Variants in MGAT4A observed in about 807,000 individuals in gnomAD.
MGAT4A encodes alpha-1,3-mannosyl-glycoprotein 4-beta-N-acetylglucosaminyltransferase A, also known as N-acetylglucosaminyltransferase IVa.
A neutral mutation model predicts 74.1 loss-of-function variants in MGAT4A; 33 were observed. The ratio of observed to expected loss-of-function variants is 0.45; its 90% CI spans 0.34 to 0.60. The LOEUF is 0.60. Among genes scored for constraint, MGAT4A ranks in the 20% least tolerant of loss-of-function variants. MGAT4A has a pLI of 0.02. For synonymous variants in MGAT4A, 198 were observed against 210.4 expected, an observed-to-expected ratio of 0.94 and a Z score of 0.51; for missense variants, 479 against 628.3, an observed-to-expected ratio of 0.76 and a Z score of 2.54.
At position 98,678,321 on chromosome 2, in the gene MGAT4A, G is replaced by A. The variant is rs778344428; in HGVS notation, c.245C>T (p.Ala82Val). ...GTTTGTACCTGAAAACTTATTCAACGCATCCTTACTTCCATTTGTTTCTGC... is the reference window on the plus strand; with the variant it reads ...GTTTGTACCTGAAAACTTATTCAACACATCCTTACTTCCATTTGTTTCTGC... ...VGAETNGSKD[A>V]LNKFSDNTLK... Residue 82 changes from alanine to valine, a missense_variant, in exon 3 of 16, where the codon GCG becomes GTG. By Grantham distance (64) the Ala-to-Val change is moderately conservative (BLOSUM62 0). Around this residue, in one of 3 missense-constraint regions of MGAT4A, gnomAD observed 205 missense variants for 232.7 expected, o/e 0.88. Transcript: ENST00000393487. The A allele has an allele frequency of 1.1e-5, 15 of 1,398,956 alleles. No homozygotes were observed. The highest frequency in any genetic ancestry group is 2.9e-5 in the African/African-American group (2 of 68,388). 86.7% of individuals were successfully genotyped at this position (1,398,956 alleles called of 1,614,324 possible). A position where few individuals can be genotyped will look rare whatever the true frequency, so the allele number is the denominator to read the frequency against.
chr2:98,638,538 A>G (rs1701357907), intron 12 of MGAT4A, among the ~76,000 whole-genome samples: 1 of 152,248 alleles, frequency 6.6e-6, no homozygotes, highest in Non-Finnish European at 1.5e-5. Context: ...ATGGACATCT[A>G]TGCTGTTTCT....
At chr2:98,689,555 G>A (rs1702168186) in intron 2 of MGAT4A, among the ~76,000 whole-genome samples, 2 of 152,184 alleles carry the variant, frequency 1.3e-5, no homozygotes, top group Non-Finnish European at 2.9e-5. Context: ...TGGGCACCAT[G>A]GCTCACATCC....
chr2:98,664,444 G>A (rs1701796579), intron 4 of MGAT4A, among the ~76,000 whole-genome samples: 1 of 152,088 alleles, frequency 6.6e-6, no homozygotes, highest in Non-Finnish European at 1.5e-5. Context: ...GTACCCAGCT[G>A]AATTGAGTTC....
intron 2 of MGAT4A, among the ~76,000 whole-genome samples, chr2:98,717,613 G>C (rs767448017): frequency 2.4e-4 from 36 of 152,290 alleles, no homozygotes; most frequent in Non-Finnish European, 4.3e-4. Context: ...AATATTGGGG[G>C]AGGATAGGTA....
intron 2 of MGAT4A, among the ~76,000 whole-genome samples, chr2:98,693,170 A>G (rs1434443996): frequency 2.0e-5 from 3 of 152,202 alleles, no homozygotes; most frequent in African/African-American, 7.2e-5. Context: ...ACTAAAAGAA[A>G]AGAAAAAGAA....
chr2:98,667,555 G>C (rs1055654616), intron 4 of MGAT4A, among the ~76,000 whole-genome samples: 1 of 152,226 alleles, frequency 6.6e-6, no homozygotes, highest in Admixed American at 6.5e-5. Flanking sequence ...TTAGCAAAGA[G>C]ACTGGCAGCA....
chr2:98,650,963 A>T (rs1311269215), intron 8 of MGAT4A, among the ~76,000 whole-genome samples: 1 of 151,998 alleles, frequency 6.6e-6, no homozygotes, highest in East Asian at 1.9e-4. Context: ...AAAGGAAAAG[A>T]AAAAAAGAAT....
At chr2:98,635,801 G>T (rs1276164843) in intron 13 of MGAT4A, among the ~76,000 whole-genome samples, 8 of 151,678 alleles carry the variant, frequency 5.3e-5, no homozygotes, top group Non-Finnish European at 2.9e-5. Context: ...GACCATCCTG[G>T]CCAGTGCTGA....
At chr2:98,642,858 G>GT (rs200444630) in intron 10 of MGAT4A, among the ~76,000 whole-genome samples, 1,543 of 151,976 alleles carry the variant, frequency 0.01, 31 homozygotes, top group African/African-American at 0.036. Context: ...AATTTTTGTG[G>GT]TTTTTTTTAA....
intron 5 of MGAT4A, among the ~76,000 whole-genome samples, chr2:98,659,239 G>C (rs945651306): frequency 1.3e-5 from 2 of 152,206 alleles, no homozygotes; most frequent in Non-Finnish European, 1.5e-5. Context: ...CCGTGAAATT[G>C]GGTCAAAGTG....
intron 2 of MGAT4A, among the ~76,000 whole-genome samples, chr2:98,706,110 G>A (rs1702427949): frequency 6.6e-6 from 1 of 152,082 alleles, no homozygotes; most frequent in Non-Finnish European, 1.5e-5. Flanking sequence ...TGCCCTAAAT[G>A]CTATCCACCA....
At chr2:98,676,018 AG>A (rs1701972991) in intron 3 of MGAT4A, among the ~76,000 whole-genome samples, 1 of 152,210 alleles carries the variant, frequency 6.6e-6, no homozygotes, top group African/African-American at 2.4e-5. Flanking sequence ...TTTTATACAT[AG>A]GATGTTTCTG....
At chr2:98,665,261 G>A (rs1307117) in intron 4 of MGAT4A, among the ~76,000 whole-genome samples, 9 of 149,860 alleles carry the variant, frequency 6.0e-5, no homozygotes, top group Middle Eastern at 3.5e-3. Context: ...TCCAGGAGGC[G>A]GAGGTTGCAG....
At chr2:98,632,377 A>G (rs540678117) in intron 14 of MGAT4A, among the ~76,000 whole-genome samples, 2 of 152,314 alleles carry the variant, frequency 1.3e-5, no homozygotes, top group Non-Finnish European at 2.9e-5. Context: ...AAAGGTGGGT[A>G]AGGGAACTTT....
chr2:98,666,450 C>T (rs966702393), intron 4 of MGAT4A, among the ~76,000 whole-genome samples: 1 of 152,134 alleles, frequency 6.6e-6, no homozygotes, highest in African/African-American at 2.4e-5. Context: ...CCCAGCACTT[C>T]AGGAGGCTGA....
intron 8 of MGAT4A, among the ~76,000 whole-genome samples, chr2:98,646,198 G>C (rs1000887636): frequency 6.6e-6 from 1 of 151,718 alleles, no homozygotes; most frequent in South Asian, 2.1e-4. Context: ...CAATACAAAC[G>C]TGTGATTTTT....
At chr2:98,658,587 T>C (rs1022385292) in intron 5 of MGAT4A, among the ~76,000 whole-genome samples, 3 of 152,198 alleles carry the variant, frequency 2.0e-5, no homozygotes, top group African/African-American at 7.2e-5. Context: ...CTGCACGATA[T>C]GAAGAAAGAT....
intron 2 of MGAT4A, among the ~76,000 whole-genome samples, chr2:98,697,914 T>C (rs538478857): frequency 7.2e-5 from 11 of 152,294 alleles, no homozygotes; most frequent in Admixed American, 5.9e-4. Context: ...TGCTAAAGGT[T>C]GATGTACACA....
Position 98,623,487 on chromosome 2 carries a change from A to G in MGAT4A, c.*2079T>C. ...AGTTATCTTTGCAGTAATTTAGTAT[A>G]CCAAGCTGGTGCCAAAATTTTATGA... is the stretch of plus-strand genomic sequence containing the variant. On this transcript the variant is annotated 3_prime_UTR_variant, in exon 16 of 16. Transcript: ENST00000393487. 1.0e-6 allele frequency: 1 copy of G among 985,408 alleles called. No individual in the cohort carries two copies. Among genetic ancestry groups the G allele is most frequent in the Non-Finnish European group, 1.2e-6 (1 of 829,922 alleles). 61.0% of individuals were successfully genotyped at this position (985,408 alleles called of 1,614,324 possible).
Sources: gnomAD v4.1 joint callset for allele counts (sites outside exome capture counted in the v4.1 genomes callset) on GRCh38, gnomAD v4.1.1 for gene constraint, gnomAD v4.1.1 regional missense constraint, MANE v1.5 for transcripts, NCBI Gene and HGNC (gene_info 2026-07-23, HGNC 2026-07-21) for gene names.